CACNG2: variants seen among roughly 807,000 people sequenced by gnomAD.
CACNG2 encodes the protein calcium voltage-gated channel auxiliary subunit gamma 2.
CACNG2 carries 3 observed loss-of-function variants against 25.9 expected under a neutral mutation model. The observed-to-expected ratio is 0.12, with a 90% CI of 0.05 to 0.30. CACNG2 has a LOEUF of 0.30. CACNG2 is among the 10% of genes least tolerant of loss of function. The pLI is 1.00. For synonymous variants in CACNG2, 167 were observed against 173.3 expected, an observed-to-expected ratio of 0.96 and a Z score of 0.29; for missense variants, 341 against 432.5, an observed-to-expected ratio of 0.79 and a Z score of 1.88.
chr22:36,640,846 C>T (rs1000306535), intron 1 of CACNG2, among the ~76,000 whole-genome samples: 1 of 152,148 alleles, frequency 6.6e-6, no homozygotes, highest in Non-Finnish European at 1.5e-5. Flanking sequence ...GTCCTCATCC[C>T]AGCCCACAAG....
chr22:36,571,271 G>C (rs1047907781), intron 2 of CACNG2, among the ~76,000 whole-genome samples: 1 of 151,432 alleles, frequency 6.6e-6, no homozygotes, highest in Non-Finnish European at 1.5e-5. Context: ...AACCTGGCCA[G>C]CATGGCGAAA....
chr22:36,656,827 C>G (rs1289251196), intron 1 of CACNG2, among the ~76,000 whole-genome samples: 8 of 152,212 alleles, frequency 5.3e-5, no homozygotes, highest in African/African-American at 1.9e-4. Context: ...CTAGACTTCC[C>G]CATTTAAAAT....
At chr22:36,597,541 G>T (rs946041126) in intron 1 of CACNG2, among the ~76,000 whole-genome samples, 1 of 152,216 alleles carries the variant, frequency 6.6e-6, no homozygotes, top group Non-Finnish European at 1.5e-5. Context: ...AATAACAGAA[G>T]TGAAGGGCCC....
At chr22:36,693,611 C>T (rs1406447269) in intron 1 of CACNG2, among the ~76,000 whole-genome samples, 4 of 152,192 alleles carry the variant, frequency 2.6e-5, no homozygotes, top group African/African-American at 9.7e-5. Flanking sequence ...CTCTGTGAGG[C>T]ATTTCTGTGC....
chr22:36,677,184 CCT>C lies in CACNG2; in HGVS notation c.211+25180_211+25181del, dbSNP rs1252548826. The stretch of plus-strand genomic sequence containing the variant: ...GAGGGAACGACTCCCTTTTTGTCCC[CCT>C]CTCTCTTCATTTCCTGAAGAAGGCT... On this transcript the variant is annotated intron_variant, in intron 1 of 3. Transcript: ENST00000300105. Among the ~76,000 whole-genome samples, 78 of 152,096 alleles carry C rather than the reference CCT, an allele frequency of 5.1e-4. 1 individual carries two copies. The highest frequency in any genetic ancestry group is 4.8e-3 in the Admixed American group (74 of 15,264).
At chr22:36,575,011 T>G (rs944810549) in intron 2 of CACNG2, among the ~76,000 whole-genome samples, 1 of 152,162 alleles carries the variant, frequency 6.6e-6, no homozygotes, top group African/African-American at 2.4e-5. Context: ...AAGAGAGGCT[T>G]AGGCCTGAGG....
intron 2 of CACNG2, chr22:36,584,458 T>C (rs1374699276): frequency 6.6e-6 from 1 of 152,236 alleles, no homozygotes; most frequent in Non-Finnish European, 1.5e-5. Flanking sequence ...ACAACAAAAC[T>C]ATCTCAGGGT....
intron 1 of CACNG2, among the ~76,000 whole-genome samples, chr22:36,700,814 C>T (rs190143256): frequency 6.1e-4 from 93 of 152,194 alleles, no homozygotes; most frequent in East Asian, 5.8e-4. Context: ...TTAAAGACAG[C>T]GGTTTGGATT....
chr22:36,647,874 T>C (rs2145972577), intron 1 of CACNG2, among the ~76,000 whole-genome samples: 1 of 152,362 alleles, frequency 6.6e-6, no homozygotes, highest in Admixed American at 6.5e-5. Context: ...TGTGTGTGTG[T>C]GTGTATGTGC....
chr22:36,598,933 A>G (rs1320877231), intron 1 of CACNG2, among the ~76,000 whole-genome samples: 1 of 152,152 alleles, frequency 6.6e-6, no homozygotes. Flanking sequence ...AGCCAAGATC[A>G]TGTCACTGCA....
intron 1 of CACNG2, among the ~76,000 whole-genome samples, chr22:36,593,464 C>T (rs564056330): frequency 1.3e-5 from 2 of 152,176 alleles, no homozygotes; most frequent in East Asian, 1.9e-4. Context: ...CCGGAAATGT[C>T]GATGAGGCCC....
chr22:36,609,234 G>C (rs1013038404), intron 1 of CACNG2, among the ~76,000 whole-genome samples: 1 of 143,150 alleles, frequency 7.0e-6, no homozygotes, highest in African/African-American at 2.6e-5. Flanking sequence ...GATTGAGCAG[G>C]AATCAGCCCC....
At chr22:36,640,299 T>G (rs1436825019) in intron 1 of CACNG2, among the ~76,000 whole-genome samples, 2 of 152,166 alleles carry the variant, frequency 1.3e-5, no homozygotes, top group Admixed American at 1.3e-4. Context: ...GTGTTGACGA[T>G]TGTTATATTT....
chr22:36,697,926 A>G (rs539899824), intron 1 of CACNG2, among the ~76,000 whole-genome samples: 4 of 152,256 alleles, frequency 2.6e-5, no homozygotes, highest in African/African-American at 9.6e-5. Context: ...TTTCTTTCCT[A>G]TAGAGGCTGT....
chr22:36,603,319 T>A (rs1419466623), intron 1 of CACNG2, among the ~76,000 whole-genome samples: 3 of 151,974 alleles, frequency 2.0e-5, no homozygotes, highest in Admixed American at 1.3e-4. Flanking sequence ...CTAGCAGAGG[T>A]TGGTTCATGA....
intron 1 of CACNG2, among the ~76,000 whole-genome samples, chr22:36,659,155 C>T (rs1569043509): frequency 1.3e-5 from 2 of 152,102 alleles, no homozygotes; most frequent in African/African-American, 2.4e-5. Flanking sequence ...TAGGCACAGG[C>T]CTGCTGAGAG....
intron 1 of CACNG2, among the ~76,000 whole-genome samples, chr22:36,632,628 T>G (rs1471926278): frequency 2.0e-5 from 3 of 152,064 alleles, no homozygotes; most frequent in Non-Finnish European, 4.4e-5. Flanking sequence ...TGTCCTCATC[T>G]TACTTGACCC....
chr22:36,615,761 A>T (rs1240036696), intron 1 of CACNG2, among the ~76,000 whole-genome samples: 1 of 93,814 alleles, frequency 1.1e-5, no homozygotes, highest in Non-Finnish European at 2.3e-5. Context: ...GTGCTCAGTA[A>T]ATATTTGTGG....
chr22:36,608,655 A>C (rs1986373305), intron 1 of CACNG2, among the ~76,000 whole-genome samples: 1 of 151,946 alleles, frequency 6.6e-6, no homozygotes, highest in Non-Finnish European at 1.5e-5. Flanking sequence ...GACTGATGCT[A>C]TCAGACTACC....
Sources: gnomAD v4.1 joint callset for allele counts (sites outside exome capture counted in the v4.1 genomes callset) on GRCh38, gnomAD v4.1.1 for gene constraint, MANE v1.5 for transcripts, NCBI Gene and HGNC (gene_info 2026-07-23, HGNC 2026-07-21) for gene names.